The following DGKB variants were observed in gnomAD, a reference collection of about 807,000 sequenced individuals.
DGKB encodes the protein 90 kDa diacylglycerol kinase.
DGKB carries 67 observed loss-of-function variants against 114.3 expected under a neutral mutation model. That is an observed-to-expected ratio of 0.59 (90% CI 0.48 to 0.72). The LOEUF (loss-of-function observed/expected upper bound fraction) is 0.72. DGKB is among the 30% of genes least tolerant of loss of function. DGKB has a pLI of 0.00. For missense variants in DGKB, 907 were observed against 975.2 expected (o/e 0.93, Z 0.93); for synonymous variants, 398 against 323.1 (o/e 1.23, Z -2.49).
At chr7:14,890,801 G>C (rs1010822290) in intron 1 of DGKB, among the ~76,000 whole-genome samples, 2 of 149,602 alleles carry the variant, frequency 1.3e-5, no homozygotes, top group Admixed American at 1.3e-4. Flanking sequence ...CGAAAATAAC[G>C]TTCATCCCTC....
intron 23 of DGKB, among the ~76,000 whole-genome samples, chr7:14,206,796 A>C (rs1786899927): frequency 6.6e-6 from 1 of 152,064 alleles, no homozygotes; most frequent in Admixed American, 6.6e-5. Context: ...TATGCAAGTA[A>C]TATTATAATG....
intron 23 of DGKB, among the ~76,000 whole-genome samples, chr7:14,223,153 G>A (rs1790262720): frequency 6.6e-6 from 1 of 151,572 alleles, no homozygotes; most frequent in Non-Finnish European, 1.5e-5. Context: ...TGATATGGCT[G>A]GATTCATGTC....
intron 2 of DGKB, among the ~76,000 whole-genome samples, chr7:14,827,966 T>G (rs1044743022): frequency 2.0e-5 from 3 of 151,994 alleles, no homozygotes; most frequent in African/African-American, 7.2e-5. Flanking sequence ...AGCTTCAAGG[T>G]GGCTTATGGA....
intron 8 of DGKB, among the ~76,000 whole-genome samples, chr7:14,695,741 T>A (rs1823753514): frequency 6.6e-6 from 1 of 151,888 alleles, no homozygotes; most frequent in African/African-American, 2.4e-5. Context: ...TCTCCTGACC[T>A]CATGATCCAC....
chr7:14,259,486 G>T (rs1193313853), intron 23 of DGKB, among the ~76,000 whole-genome samples: 5 of 151,628 alleles, frequency 3.3e-5, no homozygotes, highest in Middle Eastern at 3.2e-3. Flanking sequence ...GAGTGCGGTG[G>T]CGTGATCTCG....
chr7:14,528,235 A>C (rs986830710), intron 20 of DGKB, among the ~76,000 whole-genome samples: 1 of 152,020 alleles, frequency 6.6e-6, no homozygotes, highest in Non-Finnish European at 1.5e-5. Flanking sequence ...AGCTGCTCTC[A>C]CCTTTATAAA....
intron 1 of DGKB, among the ~76,000 whole-genome samples, chr7:14,944,222 C>G (rs981758222): frequency 2.0e-5 from 3 of 151,830 alleles, no homozygotes; most frequent in African/African-American, 7.2e-5. Flanking sequence ...CAGAGACTAA[C>G]CAGCTCACTT....
intron 1 of DGKB, among the ~76,000 whole-genome samples, chr7:14,853,688 C>G (rs949706906): frequency 6.6e-6 from 1 of 151,572 alleles, no homozygotes; most frequent in African/African-American, 2.4e-5. Context: ...AACCACGTCT[C>G]TACTGAAAAT....
intron 21 of DGKB, among the ~76,000 whole-genome samples, chr7:14,416,010 T>G (rs942650923): frequency 6.6e-6 from 1 of 152,198 alleles, no homozygotes; most frequent in Non-Finnish European, 1.5e-5. Context: ...TTTGCATTTC[T>G]CTGATGGCCA....
intron 23 of DGKB, among the ~76,000 whole-genome samples, chr7:14,255,133 G>A (rs1170403586): frequency 6.6e-6 from 1 of 152,158 alleles, no homozygotes; most frequent in Non-Finnish European, 1.5e-5. Flanking sequence ...TCAGAACAAA[G>A]CAACTTTCTT....
intron 2 of DGKB, among the ~76,000 whole-genome samples, chr7:14,820,554 T>G (rs1211730027): frequency 2.0e-5 from 3 of 152,194 alleles, no homozygotes; most frequent in Non-Finnish European, 4.4e-5. Flanking sequence ...ATTTATAGTT[T>G]CCAAATAATT....
At chr7:14,617,138 C>T (rs1806692609) in intron 15 of DGKB, among the ~76,000 whole-genome samples, 1 of 151,640 alleles carries the variant, frequency 6.6e-6, no homozygotes, top group Admixed American at 6.6e-5. Flanking sequence ...CTGATGGCTG[C>T]CATCAATGCC....
At chr7:14,905,804 T>A (rs1482580901), upstream of DGKB, among the ~76,000 whole-genome samples, 1 of 152,216 alleles carries the variant, frequency 6.6e-6, no homozygotes, top group East Asian at 1.9e-4. Context: ...AAGTGGTATG[T>A]GCACAGTAAA....
intron 23 of DGKB, among the ~76,000 whole-genome samples, chr7:14,336,988 A>G (rs763086094): frequency 2.0e-5 from 3 of 152,174 alleles, no homozygotes; most frequent in African/African-American, 2.4e-5. Flanking sequence ...TTTTGTATAT[A>G]TTATTTAGTG....
At chr7:14,940,672 T>A (rs1190212278) in intron 1 of DGKB, among the ~76,000 whole-genome samples, 2 of 152,162 alleles carry the variant, frequency 1.3e-5, no homozygotes, top group African/African-American at 2.4e-5. Context: ...TATACTCAGA[T>A]AATATAATAA....
At chr7:14,219,144 A>G (rs1789506768) in intron 23 of DGKB, among the ~76,000 whole-genome samples, 1 of 151,902 alleles carries the variant, frequency 6.6e-6, no homozygotes, top group African/African-American at 2.4e-5. Flanking sequence ...GTATGAATAT[A>G]CCATATTTTC....
chr7:14,895,465 A>T (rs1041099425), intron 1 of DGKB, among the ~76,000 whole-genome samples: 12 of 151,582 alleles, frequency 7.9e-5, no homozygotes, highest in African/African-American at 2.4e-4. Context: ...TAATTATATT[A>T]TTCCTATTAT....
chr7:14,695,494 C>CTCTTTTTT (rs1823671843), intron 8 of DGKB, among the ~76,000 whole-genome samples: 26 of 75,156 alleles, frequency 3.5e-4, no homozygotes, highest in South Asian at 6.4e-4. Flanking sequence ...CTCTCTCTCT[C>CTCTTTTTT]TTTTTTTTTT....
chr7:14,467,005 A>C (rs1780575222), intron 21 of DGKB, among the ~76,000 whole-genome samples: 1 of 152,062 alleles, frequency 6.6e-6, no homozygotes, highest in Admixed American at 6.6e-5. Context: ...TTTCTGGAGG[A>C]CATGGTCAAA....
Sources: allele counts gnomAD v4.1 joint callset (sites outside exome capture counted in the v4.1 genomes callset), GRCh38; gene constraint gnomAD v4.1.1; transcripts MANE v1.5; gene names NCBI Gene and HGNC (gene_info 2026-07-23, HGNC 2026-07-21).